Variants in PLD5 observed in about 807,000 individuals in gnomAD.
PLD5 encodes inactive phospholipase D5.
In PLD5, 36 loss-of-function variants were observed where a neutral mutation model predicts 61.1. The ratio of observed to expected loss-of-function variants is 0.59; its 90% CI spans 0.45 to 0.78. PLD5 has a LOEUF of 0.78. Ranked by LOEUF, PLD5 falls within the 30% of genes least tolerant of loss-of-function variation. PLD5 has a pLI of 0.00. For missense variants in PLD5, 515 were observed against 644.4 expected, an observed-to-expected ratio of 0.80 and a Z score of 2.17; for synonymous variants, 243 against 242.8, an observed-to-expected ratio of 1.00 and a Z score of -0.01.
intron 5 of PLD5, among the ~76,000 whole-genome samples, chr1:242,169,842 C>T (rs186963241): frequency 5.9e-5 from 9 of 152,310 alleles, no homozygotes; most frequent in African/African-American, 1.9e-4. Context: ...TGGAGCCCAC[C>T]GCAGCTCAGC....
chr1:242,482,571 T>A (rs1667815759), intron 1 of PLD5, among the ~76,000 whole-genome samples: 1 of 152,112 alleles, frequency 6.6e-6, no homozygotes, highest in Non-Finnish European at 1.5e-5. Context: ...AAAGACCAAA[T>A]CTATGTCTGA....
intron 5 of PLD5, among the ~76,000 whole-genome samples, chr1:242,170,978 C>A (rs1157117653): frequency 6.6e-6 from 1 of 152,204 alleles, no homozygotes; most frequent in South Asian, 2.1e-4. Context: ...AGGATATTAT[C>A]CAGGAGAACT....
At chr1:242,479,051 A>C (rs1667685829) in intron 1 of PLD5, among the ~76,000 whole-genome samples, 1 of 152,238 alleles carries the variant, frequency 6.6e-6, no homozygotes, top group Admixed American at 6.5e-5. Context: ...AAGCTGTGCT[A>C]AAATTGATCT....
intron 5 of PLD5, among the ~76,000 whole-genome samples, chr1:242,215,043 A>ATTTTTTTTTTTTTTTTTT: frequency 8.3e-6 from 1 of 120,616 alleles, no homozygotes; most frequent in Non-Finnish European, 1.7e-5. Flanking sequence ...TGCCTGGCCA[A>ATTTTTTTTTTTTTTTTTT]TTTTTTTTTT....
At chr1:242,441,487 TA>T (rs1034727515) in intron 1 of PLD5, among the ~76,000 whole-genome samples, 34 of 151,872 alleles carry the variant, frequency 2.2e-4, no homozygotes, top group African/African-American at 6.0e-4. Flanking sequence ...AAAAAAACTT[TA>T]AAAAAAAATT....
chr1:242,309,192 C>T (rs1320478545), intron 2 of PLD5, among the ~76,000 whole-genome samples: 3 of 152,122 alleles, frequency 2.0e-5, no homozygotes, highest in Non-Finnish European at 4.4e-5. Context: ...AGAACACAGT[C>T]ATGGCTTCTT....
chr1:242,426,314 A>C (rs1457235176), intron 1 of PLD5, among the ~76,000 whole-genome samples: 1 of 149,876 alleles, frequency 6.7e-6, no homozygotes, highest in East Asian at 1.9e-4. Flanking sequence ...CCAGTTAAAA[A>C]AAAAAAAAAA....
intron 1 of PLD5, among the ~76,000 whole-genome samples, chr1:242,425,757 C>T (rs548589337): frequency 6.6e-6 from 1 of 151,870 alleles, no homozygotes; most frequent in South Asian, 2.1e-4. Context: ...ATTCTCCTGC[C>T]TCAGCCTCCT....
At position 242,291,520 on chromosome 1, in the gene PLD5, C is replaced by A. The variant is rs145246417; in HGVS notation, c.327-2990G>T. ...GGGAGCTGGGATCCATTCAAACTGA[C>A]AACGGGCCAGGTGCGGTGGCTCACA... is the stretch of plus-strand genomic sequence containing the variant. On this transcript the variant is annotated intron_variant, in intron 2 of 9. Transcript: ENST00000536534. 2.6e-3 allele frequency among the ~76,000 whole-genome samples: 402 copies of A among 152,098 alleles called. 1 individual carries two copies. The highest frequency in any genetic ancestry group is 9.0e-3 in the African/African-American group (372 of 41,500).
At chr1:242,416,529 C>G (rs1012930050) in intron 1 of PLD5, among the ~76,000 whole-genome samples, 1 of 152,028 alleles carries the variant, frequency 6.6e-6, no homozygotes, top group African/African-American at 2.4e-5. Context: ...AGTTTTGGAG[C>G]TGCAAGAATT....
chr1:242,430,618 G>C (rs1665665544), intron 1 of PLD5, among the ~76,000 whole-genome samples: 1 of 152,090 alleles, frequency 6.6e-6, no homozygotes, highest in Non-Finnish European at 1.5e-5. Flanking sequence ...GTGGTGGGCT[G>C]GTTTCCCTAT....
intron 2 of PLD5, among the ~76,000 whole-genome samples, chr1:242,329,834 A>C (rs552793828): frequency 6.6e-6 from 1 of 152,290 alleles, no homozygotes; most frequent in South Asian, 2.1e-4. Context: ...CTGAAACCCT[A>C]TGAAGCAGGT....
At chr1:242,149,965 C>T (rs767060069) in intron 5 of PLD5, among the ~76,000 whole-genome samples, 6 of 151,744 alleles carry the variant, frequency 4.0e-5, no homozygotes, top group Non-Finnish European at 8.9e-5. Flanking sequence ...CTAACATAAG[C>T]ATCTTGTGTT....
intron 5 of PLD5, among the ~76,000 whole-genome samples, chr1:242,204,159 C>T (rs183918633): frequency 1.3e-5 from 2 of 151,518 alleles, no homozygotes; most frequent in African/African-American, 2.4e-5. Flanking sequence ...AGGTGAATGG[C>T]GTGAACCCAG....
At chr1:242,262,312 C>CA (rs781491388) in intron 4 of PLD5, among the ~76,000 whole-genome samples, 8 of 152,164 alleles carry the variant, frequency 5.3e-5, no homozygotes, top group Non-Finnish European at 8.8e-5. Flanking sequence ...GCACTGACTG[C>CA]AAGAGGGACT....
intron 1 of PLD5, among the ~76,000 whole-genome samples, chr1:242,389,327 G>A (rs1036509018): frequency 2.0e-5 from 3 of 152,106 alleles, no homozygotes; most frequent in Admixed American, 6.6e-5. Context: ...AAGAGCATTT[G>A]TAATTTAATA....
chr1:242,133,282 C>G (rs1486752350), intron 5 of PLD5, among the ~76,000 whole-genome samples: 2 of 152,104 alleles, frequency 1.3e-5, no homozygotes, highest in African/African-American at 4.8e-5. Context: ...GGCAACCAAT[C>G]AGACTGGTTG....
At chr1:242,423,269 T>C (rs1665244643) in intron 1 of PLD5, among the ~76,000 whole-genome samples, 1 of 151,932 alleles carries the variant, frequency 6.6e-6, no homozygotes, top group Non-Finnish European at 1.5e-5. Flanking sequence ...CAGCAGACAA[T>C]AAATGTAAAT....
chr1:242,284,327 G>A (rs570608699), intron 3 of PLD5, among the ~76,000 whole-genome samples: 1 of 151,680 alleles, frequency 6.6e-6, no homozygotes, highest in East Asian at 1.9e-4. Flanking sequence ...AGTACAGACG[G>A]GGTTTCACCA....
Sources: allele counts gnomAD v4.1 joint callset (sites outside exome capture counted in the v4.1 genomes callset), GRCh38; gene constraint gnomAD v4.1.1; transcripts MANE v1.5; gene names NCBI Gene and HGNC (gene_info 2026-07-23, HGNC 2026-07-21).